LMOD1: variants seen among roughly 807,000 people sequenced by gnomAD.
LMOD1 encodes the protein leiomodin 1.
In LMOD1, 8 loss-of-function variants were observed where a neutral mutation model predicts 36.5. That is an observed-to-expected ratio of 0.22 (90% CI 0.13 to 0.40). The LOEUF (loss-of-function observed/expected upper bound fraction) is 0.40, where lower values mean the gene tolerates loss of function less well. Ranked by LOEUF, LMOD1 falls within the 10% of genes least tolerant of loss-of-function variation. The pLI, the probability that LMOD1 is intolerant of heterozygous loss-of-function variation, is 1.00. For synonymous variants in LMOD1, 284 were observed against 288.7 expected (o/e 0.98, Z 0.17); for missense variants, 630 against 751.1 (o/e 0.84, Z 1.88).
intron 1 of LMOD1, among the ~76,000 whole-genome samples, chr1:201,927,053 T>A (rs1415520248): frequency 6.6e-6 from 1 of 152,232 alleles, no homozygotes; most frequent in African/African-American, 2.4e-5. Flanking sequence ...TTTTGCATAC[T>A]GTCTATGATG....
Position 201,899,759 on chromosome 1 carries a change from G to T in LMOD1, c.1254C>A (p.Thr418=), listed in dbSNP as rs184081545. 1 of 1,614,040 alleles carries T rather than the reference G, an allele frequency of 6.2e-7. No homozygotes were observed. The highest frequency in any genetic ancestry group is 8.5e-7 in the Non-Finnish European group (1 of 1,179,904). ...FRALLQNNTL[T]ELRFHNQRHI... is the part of the protein sequence containing the mutation. Reference sequence around the variant, plus strand: ...GTCGCTGGTTGTGGAAGCGGAGCTCGGTCAGCGTGTTGTTCTGGAGGAGGG... The same window carrying T: ...GTCGCTGGTTGTGGAAGCGGAGCTCTGTCAGCGTGTTGTTCTGGAGGAGGG... The change falls in exon 2 of 3, where the codon ACC becomes ACA. Residue 418 remains threonine (T), a synonymous_variant. Transcript: ENST00000367288. This position sits in a 1 kb window ranked among gnomAD's most constrained non-coding sequence, Gnocchi z 6.3.
intron 1 of LMOD1, among the ~76,000 whole-genome samples, 157 bp downstream of exon 1, chr1:201,945,923 G>A (rs764957029): frequency 6.6e-6 from 1 of 152,084 alleles, no homozygotes; most frequent in Non-Finnish European, 1.5e-5. Flanking sequence ...TAAGAGATTC[G>A]CACCGCTAGT....
At position 201,902,322 on chromosome 1, in the gene LMOD1, C is replaced by G. The variant is rs574493017; in HGVS notation, c.262-1571G>C. On this transcript the variant is annotated intron_variant, in intron 1 of 2. Transcript: ENST00000367288. ...TGGGTCAGCTGATCTCTGGAAGACT[C>G]TGCCAGATTCTAGATCTTGGATTCT... is the stretch of plus-strand genomic sequence containing the variant. Among the ~76,000 whole-genome samples the G allele has an allele frequency of 3.9e-5, 6 of 152,060 alleles. No individual in the cohort carries two copies. The South Asian group carries it at 8.4e-4, about 21-fold the overall frequency.
In LMOD1 at chr1:201,896,700, C is replaced by T. The variant is rs1312480028; in HGVS notation, c.*1672G>A. On this transcript the variant is annotated 3_prime_UTR_variant, in exon 3 of 3. Coordinates refer to ENST00000367288, the MANE Select transcript of LMOD1 (RefSeq NM_012134.3). ...TAGCTCCAGCTCATACCCTTTAGGT[C>T]CAGGAGCCAGTGTGTGTCTGTCTCC... 8.8e-6 allele frequency: 4 copies of T among 456,524 alleles called. No individual in the cohort carries two copies. The highest frequency in any genetic ancestry group is 6.0e-5 in the African/African-American group (3 of 50,062). The allele number at this position is 456,524 out of a possible 1,614,324, so 28.3% of individuals were successfully genotyped here.
intron 1 of LMOD1, among the ~76,000 whole-genome samples, chr1:201,938,421 G>A (rs748239365): frequency 2.6e-5 from 4 of 152,124 alleles, no homozygotes; most frequent in Admixed American, 6.5e-5. Flanking sequence ...GAGACACCGC[G>A]CCCGGCCGTA....
At chr1:201,913,345 C>A (rs1483734938) in intron 1 of LMOD1, among the ~76,000 whole-genome samples, 1 of 152,164 alleles carries the variant, frequency 6.6e-6, no homozygotes, top group Non-Finnish European at 1.5e-5. Flanking sequence ...GTGGCTCATG[C>A]ATGTAATCCC....
At chr1:201,942,809 C>T (rs902338699) in intron 1 of LMOD1, among the ~76,000 whole-genome samples, 14 of 152,022 alleles carry the variant, frequency 9.2e-5, no homozygotes, top group African/African-American at 3.4e-4. Flanking sequence ...CTTGTTTCAT[C>T]TATATATACC....
intron 1 of LMOD1, among the ~76,000 whole-genome samples, chr1:201,943,654 C>T (rs1267302711): frequency 6.6e-6 from 1 of 152,214 alleles, no homozygotes; most frequent in Non-Finnish European, 1.5e-5. Flanking sequence ...TAGAGATTTG[C>T]TTTCGGCCCA....
chr1:201,931,720 G>C (rs1681926284), intron 1 of LMOD1, among the ~76,000 whole-genome samples: 1 of 151,968 alleles, frequency 6.6e-6, no homozygotes, highest in Admixed American at 6.6e-5. Flanking sequence ...AGGGTGAAAA[G>C]AGAGATGGGA....
Position 201,942,368 on chromosome 1 carries a change from T to C in LMOD1, c.261+3712A>G, listed in dbSNP as rs1040691920. Reference sequence around the variant, plus strand: ...AGCGCTCAGACAAGGTGCCTGACCTTGAGGGAGTCCTGGAAGACTACCTGG... The same window carrying C: ...AGCGCTCAGACAAGGTGCCTGACCTCGAGGGAGTCCTGGAAGACTACCTGG... On this transcript the variant is annotated intron_variant, in intron 1 of 2. Coordinates refer to ENST00000367288, the MANE Select transcript of LMOD1 (RefSeq NM_012134.3). 1.8e-4 allele frequency among the ~76,000 whole-genome samples: 28 copies of C among 152,180 alleles called. 1 individual carries two copies. The highest frequency in any genetic ancestry group is 6.0e-4 in the African/African-American group (25 of 41,438).
rs982694749 is a variant in LMOD1, at chr1:201,931,432, G to A, written c.261+14648C>T. Among the ~76,000 whole-genome samples the A allele has an allele frequency of 1.2e-3, 186 of 152,008 alleles. 1 individual carries two copies. The highest frequency in any genetic ancestry group is 4.0e-3 in the African/African-American group (166 of 41,470). On this transcript the variant is annotated intron_variant, in intron 1 of 2. Transcript: ENST00000367288. ...TGCCTGTAATCCCAGCTACTCAGGA[G>A]GCTGAGGCATGAGAATCGCTTGACC...
chr1:201,919,024 C>T (rs1157440638), intron 1 of LMOD1, among the ~76,000 whole-genome samples: 1 of 152,022 alleles, frequency 6.6e-6, no homozygotes, highest in Non-Finnish European at 1.5e-5. Flanking sequence ...TTCCGAGTAT[C>T]TAGGACTACA....
intron 1 of LMOD1, among the ~76,000 whole-genome samples, chr1:201,944,735 G>A (rs987776194): frequency 4.0e-5 from 6 of 151,796 alleles, no homozygotes; most frequent in African/African-American, 1.2e-4. Context: ...GGTGGGGCGG[G>A]GGGGGGCGGT....
intron 1 of LMOD1, among the ~76,000 whole-genome samples, chr1:201,912,500 G>A (rs1297457408): frequency 6.6e-6 from 1 of 152,102 alleles, no homozygotes; most frequent in Non-Finnish European, 1.5e-5. Flanking sequence ...CTGACTCGAT[G>A]CCTGGCACAC....
intron 1 of LMOD1, among the ~76,000 whole-genome samples, chr1:201,923,988 A>AAGAAAAGAAAGAAAG (rs1161505635): frequency 3.3e-5 from 5 of 151,352 alleles, no homozygotes; most frequent in South Asian, 2.1e-4. Flanking sequence ...AAGAAAGAAA[A>AAGAAAAGAAAGAAAG]AGAAAAGAAA....
At chr1:201,926,169 A>G (rs1286959159) in intron 1 of LMOD1, among the ~76,000 whole-genome samples, 1 of 152,194 alleles carries the variant, frequency 6.6e-6, no homozygotes, top group Non-Finnish European at 1.5e-5. Flanking sequence ...CAGATGGTCC[A>G]ATATTAGGAA....
chr1:201,924,706 AAAGAAAGAAAGAAAG>A (rs1287562696), intron 1 of LMOD1, among the ~76,000 whole-genome samples: 1 of 87,580 alleles, frequency 1.1e-5, no homozygotes, highest in Non-Finnish European at 2.9e-5. Context: ...AGAAAGAAAG[AAAGAAAGAAAGAAAG>A]AAAGAAAGAA....
chr1:201,940,678 C>T (rs568081021), intron 1 of LMOD1, among the ~76,000 whole-genome samples: 5 of 148,594 alleles, frequency 3.4e-5, no homozygotes, highest in African/African-American at 9.9e-5. Context: ...CTCCGCCTCC[C>T]GGGTCAAGTG....
At chr1:201,938,650 G>A (rs1352830401) in intron 1 of LMOD1, among the ~76,000 whole-genome samples, 4 of 152,200 alleles carry the variant, frequency 2.6e-5, no homozygotes, top group Admixed American at 2.6e-4. Context: ...CTCAGGGACA[G>A]GGGTCCTGCC....
Sources: allele counts gnomAD v4.1 joint callset (sites outside exome capture counted in the v4.1 genomes callset), GRCh38; gene constraint gnomAD v4.1.1; non-coding constraint Gnocchi (gnomAD v3.1); transcripts MANE v1.5; gene names NCBI Gene and HGNC (gene_info 2026-07-23, HGNC 2026-07-21).